Variants in MAD1L1 observed in about 807,000 individuals in gnomAD.
MAD1L1 encodes mitotic spindle assembly checkpoint protein MAD1.
Under a neutral mutation model 96.9 loss-of-function variants are expected in MAD1L1, and 95 were observed. That is an observed-to-expected ratio of 0.98 (90% confidence interval 0.83 to 1.16). MAD1L1 has a LOEUF of 1.16. MAD1L1 is among the 50% of genes most tolerant of loss of function. The pLI is 0.00. For missense variants in MAD1L1, 1,007 were observed against 954.4 expected, an observed-to-expected ratio of 1.06 and a Z score of -0.73; for synonymous variants, 473 against 396.6, an observed-to-expected ratio of 1.19 and a Z score of -2.29.
chr7:1,855,472 C>G (rs1188226139), intron 18 of MAD1L1, among the ~76,000 whole-genome samples: 1 of 152,050 alleles, frequency 6.6e-6, no homozygotes, highest in Admixed American at 6.5e-5. Context: ...CAACGCCTGG[C>G]CTGGAAAGAG....
At chr7:2,125,270 C>T (rs1276369228) in intron 11 of MAD1L1, among the ~76,000 whole-genome samples, 7 of 152,060 alleles carry the variant, frequency 4.6e-5, no homozygotes, top group Non-Finnish European at 8.8e-5. Context: ...GAGGCAGGTG[C>T]TGACAAGGTG....
chr7:2,192,287 C>G (rs1791764406), intron 10 of MAD1L1, among the ~76,000 whole-genome samples: 1 of 152,004 alleles, frequency 6.6e-6, no homozygotes, highest in African/African-American at 2.4e-5. Context: ...CATGCCACCA[C>G]GCCCAGCTAA....
At chr7:2,060,424 T>C (rs1784604135) in intron 12 of MAD1L1, among the ~76,000 whole-genome samples, 2 of 151,124 alleles carry the variant, frequency 1.3e-5, no homozygotes, top group South Asian at 4.2e-4. Flanking sequence ...GATGCTGAGA[T>C]ACGCCGATGC....
chr7:1,816,256 A>T (rs1583456131), intron 18 of MAD1L1, 28 bp from the exon 19 acceptor site: 5 of 1,601,212 alleles, frequency 3.1e-6, no homozygotes, highest in Non-Finnish European at 8.5e-7. Context: ...AAGAGACAAG[A>T]CAGCGGTCAG....
At chr7:2,173,036 G>T (rs1790784460) in intron 10 of MAD1L1, among the ~76,000 whole-genome samples, 1 of 152,194 alleles carries the variant, frequency 6.6e-6, no homozygotes. Context: ...TATTCCTCGT[G>T]AAGTTACATA....
chr7:1,983,777 GTAAT>G (rs1781031753), intron 14 of MAD1L1, among the ~76,000 whole-genome samples: 1 of 152,160 alleles, frequency 6.6e-6, no homozygotes, highest in South Asian at 2.1e-4. Flanking sequence ...ATAGCTCCAG[GTAAT>G]TAGTCTTGTT....
At chr7:2,015,500 C>T (rs867113243) in intron 12 of MAD1L1, among the ~76,000 whole-genome samples, 3 of 152,368 alleles carry the variant, frequency 2.0e-5, no homozygotes, top group Middle Eastern at 3.4e-3. Context: ...CTGCGGGTGC[C>T]CATGGGTCGG....
At chr7:2,157,657 C>A (rs920250220) in intron 10 of MAD1L1, among the ~76,000 whole-genome samples, 2 of 144,738 alleles carry the variant, frequency 1.4e-5, no homozygotes, top group Non-Finnish European at 3.1e-5. Context: ...GCTCCACCAC[C>A]ACTGGCTGTC....
chr7:1,874,940 G>GC (rs895742188), intron 18 of MAD1L1, among the ~76,000 whole-genome samples: 4 of 152,232 alleles, frequency 2.6e-5, no homozygotes, highest in South Asian at 2.1e-4. Flanking sequence ...CCAGTGAGTG[G>GC]CCCCCACCCC....
chr7:2,048,812 T>C (rs1207827077), intron 12 of MAD1L1, among the ~76,000 whole-genome samples: 1 of 152,192 alleles, frequency 6.6e-6, no homozygotes, highest in Non-Finnish European at 1.5e-5. Context: ...CCACAGTGAC[T>C]CACAAGCCAC....
At position 2,181,306 on chromosome 7, in the gene MAD1L1, G is replaced by GT. The variant is rs570537866; in HGVS notation, c.986+31905dup. Among the ~76,000 whole-genome samples, 46 of 152,334 alleles carry GT rather than the reference G, an allele frequency of 3.0e-4. No homozygotes were observed. In the East Asian group the frequency reaches 8.5e-3, roughly 28 times the overall value. On this transcript the variant is annotated intron_variant, in intron 10 of 18. Coordinates refer to ENST00000265854, the MANE Select transcript of MAD1L1 (RefSeq NM_001013836.2). ...GCTGCTGGTGCTGCCAGCTGTAGTTGTTTTTTACTTGTTTCATGACTTTTC... is the reference window on the plus strand; with the variant it reads ...GCTGCTGGTGCTGCCAGCTGTAGTTGTTTTTTTACTTGTTTCATGACTTTTC...
intron 1 of MAD1L1, among the ~76,000 whole-genome samples, chr7:2,232,279 G>C (rs1794233080): frequency 6.6e-6 from 1 of 152,252 alleles, no homozygotes; most frequent in Non-Finnish European, 1.5e-5. Flanking sequence ...GAGCTCCCCA[G>C]GCTGCCAGCC....
intron 16 of MAD1L1, among the ~76,000 whole-genome samples, chr7:1,953,651 TAA>T (rs1216899851): frequency 4.6e-5 from 7 of 152,262 alleles, no homozygotes; most frequent in Non-Finnish European, 8.8e-5. Flanking sequence ...GGGCGAGGGA[TAA>T]AGAGATGTCA....
intron 11 of MAD1L1, among the ~76,000 whole-genome samples, chr7:2,144,770 A>C (rs1789210384): frequency 6.6e-6 from 1 of 152,084 alleles, no homozygotes; most frequent in African/African-American, 2.4e-5. Context: ...ACTGATTCTG[A>C]ACAGTATGCC....
At chr7:1,902,801 T>C (rs550895841) in intron 17 of MAD1L1, among the ~76,000 whole-genome samples, 9 of 152,270 alleles carry the variant, frequency 5.9e-5, no homozygotes, top group African/African-American at 2.2e-4. Flanking sequence ...GAACTCATGA[T>C]TGATGAAGCA....
At chr7:1,992,515 G>C (rs1781397571) in intron 14 of MAD1L1, among the ~76,000 whole-genome samples, 1 of 152,268 alleles carries the variant, frequency 6.6e-6, no homozygotes, top group African/African-American at 2.4e-5. Flanking sequence ...TGGGATGCTG[G>C]ATAAAGAGCC....
intron 10 of MAD1L1, among the ~76,000 whole-genome samples, chr7:2,183,051 T>C (rs1791278700): frequency 6.6e-6 from 1 of 152,054 alleles, no homozygotes; most frequent in Non-Finnish European, 1.5e-5. Context: ...AGTGAGACCC[T>C]ATCTCTACAA....
chr7:1,840,795 C>A (rs1290992028), intron 18 of MAD1L1, among the ~76,000 whole-genome samples: 1 of 152,230 alleles, frequency 6.6e-6, no homozygotes, highest in Non-Finnish European at 1.5e-5. Context: ...GTTTTAGCGG[C>A]CTGGGCATGC....
chr7:2,222,687 G>C lies in MAD1L1; in HGVS notation c.359C>G (p.Ala120Gly). The C allele has an allele frequency of 6.2e-7, 1 of 1,612,162 alleles. No homozygotes were observed. Among genetic ancestry groups the C allele is most frequent in the Non-Finnish European group, 8.5e-7 (1 of 1,179,796 alleles). The change falls in exon 5 of 19, where the codon GCG becomes GGG. Residue 120 changes from alanine to glycine, a missense_variant. Ala to Gly is a moderately conservative substitution (Grantham distance 60, BLOSUM62 0). Transcript: ENST00000265854. The stretch of plus-strand genomic sequence containing the variant: ...CAGCTGCTCCTGCATCTTCTCCTCC[G>C]CCCCGGCCTCCCGCTCCTGAAGCTG... Reference protein sequence around the residue: ...IRQLQEREAGAEEKMQEQLER... With the variant: ...IRQLQEREAGGEEKMQEQLER...
Sources: gnomAD v4.1 joint callset for allele counts (sites outside exome capture counted in the v4.1 genomes callset) on GRCh38, gnomAD v4.1.1 for gene constraint, MANE v1.5 for transcripts, NCBI Gene and HGNC (gene_info 2026-07-23, HGNC 2026-07-21) for gene names.